ROBO2: variants seen among roughly 807,000 people sequenced by gnomAD.
ROBO2 encodes roundabout homolog 2.
A neutral mutation model predicts 160.8 loss-of-function variants in ROBO2; 53 were observed. The ratio of observed to expected loss-of-function variants is 0.33; its 90% CI spans 0.26 to 0.41. The LOEUF (loss-of-function observed/expected upper bound fraction) is 0.41, where lower values mean the gene tolerates loss of function less well. ROBO2 is among the 10% of genes least tolerant of loss of function. The pLI is 1.00. For missense variants in ROBO2, 1,577 were observed against 1,722.4 expected, an observed-to-expected ratio of 0.92 and a Z score of 1.49; for synonymous variants, 664 against 611.7, an observed-to-expected ratio of 1.09 and a Z score of -1.26.
At chr3:76,157,864 C>T (rs1014108785) in intron 2 of ROBO2, among the ~76,000 whole-genome samples, 5 of 151,958 alleles carry the variant, frequency 3.3e-5, no homozygotes, top group African/African-American at 9.7e-5. Flanking sequence ...AGGCATTTCA[C>T]TGTGTACCAG....
intron 2 of ROBO2, among the ~76,000 whole-genome samples, chr3:76,906,120 A>T (rs2075585688): frequency 6.6e-6 from 1 of 152,156 alleles, no homozygotes; most frequent in Non-Finnish European, 1.5e-5. Context: ...TCCACAGGTG[A>T]TTATAAAAAG....
chr3:77,181,607 C>T (rs2080789237), intron 2 of ROBO2, among the ~76,000 whole-genome samples: 1 of 152,044 alleles, frequency 6.6e-6, no homozygotes, highest in African/African-American at 2.4e-5. Flanking sequence ...TCTAAAGTTT[C>T]TGCAGAAATT....
chr3:77,584,739 C>T (rs2093999737), intron 16 of ROBO2, among the ~76,000 whole-genome samples: 1 of 151,790 alleles, frequency 6.6e-6, no homozygotes, highest in African/African-American at 2.4e-5. Flanking sequence ...GGGAAACCTA[C>T]AATCTTGTCC....
At chr3:76,267,120 T>C (rs1000746348) in intron 2 of ROBO2, among the ~76,000 whole-genome samples, 3 of 152,176 alleles carry the variant, frequency 2.0e-5, no homozygotes, top group African/African-American at 7.2e-5. Context: ...ATTCACAGCA[T>C]AAAACCATTT....
intron 2 of ROBO2, among the ~76,000 whole-genome samples, chr3:76,056,524 C>A (rs1322998991): frequency 6.6e-6 from 1 of 151,546 alleles, no homozygotes; most frequent in Non-Finnish European, 1.5e-5. Context: ...AAAACCCATT[C>A]ACTTTTAAAA....
intron 2 of ROBO2, among the ~76,000 whole-genome samples, chr3:76,657,845 G>A (rs2091637611): frequency 1.4e-5 from 2 of 147,472 alleles, no homozygotes; most frequent in South Asian, 4.2e-4. Flanking sequence ...ATGTGTATAT[G>A]TATGTGTATA....
intron 2 of ROBO2, among the ~76,000 whole-genome samples, chr3:76,766,048 AT>A (rs2061563132): frequency 6.6e-6 from 1 of 151,706 alleles, no homozygotes; most frequent in South Asian, 2.1e-4. Context: ...CATTTTCAAA[AT>A]ACTTTTATCT....
At chr3:76,570,886 C>T (rs1274014392) in intron 2 of ROBO2, among the ~76,000 whole-genome samples, 1 of 152,100 alleles carries the variant, frequency 6.6e-6, no homozygotes, top group Non-Finnish European at 1.5e-5. Context: ...CAGAATTCTA[C>T]CTCTCTCCTG....
At chr3:76,210,088 T>G (rs1332781692) in intron 2 of ROBO2, among the ~76,000 whole-genome samples, 1 of 152,094 alleles carries the variant, frequency 6.6e-6, no homozygotes, top group Non-Finnish European at 1.5e-5. Flanking sequence ...AAATGAAAAC[T>G]GCAGATATTT....
In ROBO2 at chr3:76,276,017, A is replaced by G. The variant is rs565961322; in HGVS notation, c.109+338415A>G. Among the ~76,000 whole-genome samples the G allele has an allele frequency of 1.9e-3, 288 of 152,222 alleles. 3 individuals are homozygous for G. Among genetic ancestry groups the G allele is most frequent in the South Asian group, 7.0e-3 (34 of 4,830 alleles). On this transcript the variant is annotated intron_variant, in intron 2 of 26. Coordinates refer to the ROBO2 transcript ENST00000487694. ...TTTAAATACATAAAGGGATGCTGAT[A>G]TCAGATAATTAACATATAAGTACAT...
intron 2 of ROBO2, among the ~76,000 whole-genome samples, chr3:76,929,439 A>G (rs2077196613): frequency 6.6e-6 from 1 of 152,104 alleles, no homozygotes; most frequent in Non-Finnish European, 1.5e-5. Context: ...CTGTGACACT[A>G]TCTTCAAAGT....
intron 2 of ROBO2, among the ~76,000 whole-genome samples, chr3:76,886,968 A>C (rs2148790030): frequency 6.6e-6 from 1 of 152,316 alleles, no homozygotes; most frequent in South Asian, 2.1e-4. Context: ...CAGAGCAGAA[A>C]CATCATAGAA....
chr3:77,553,714 T>C (rs1336240732), intron 8 of ROBO2, among the ~76,000 whole-genome samples: 2 of 151,916 alleles, frequency 1.3e-5, no homozygotes, highest in Non-Finnish European at 2.9e-5. Context: ...AGCCAAAGCC[T>C]AATCCAGAGC....
intron 2 of ROBO2, among the ~76,000 whole-genome samples, chr3:77,337,499 A>G (rs1281126175): frequency 6.6e-6 from 1 of 151,190 alleles, no homozygotes; most frequent in Non-Finnish European, 1.5e-5. Context: ...CATGTTGAAT[A>G]TGTTACCTGA....
At chr3:76,745,877 C>T (rs867013449) in intron 2 of ROBO2, among the ~76,000 whole-genome samples, 1 of 149,826 alleles carries the variant, frequency 6.7e-6, no homozygotes, top group Non-Finnish European at 1.5e-5. Flanking sequence ...TACATGTGCA[C>T]AATGTGCAGG....
chr3:76,498,979 G>T (rs115613234), intron 2 of ROBO2, among the ~76,000 whole-genome samples: 3,554 of 152,062 alleles, frequency 0.023, 63 homozygotes, highest in South Asian at 0.049. Flanking sequence ...GAGCCACTGC[G>T]CCCAGCAGTT....
At chr3:76,702,547 TAGAC>T (rs1310241339) in intron 2 of ROBO2, among the ~76,000 whole-genome samples, 1 of 87,886 alleles carries the variant, frequency 1.1e-5, no homozygotes, top group Non-Finnish European at 2.1e-5. Flanking sequence ...CAGAGAGAAA[TAGAC>T]AGAGAAAGAG....
At chr3:76,428,364 A>G (rs2076302497) in intron 2 of ROBO2, among the ~76,000 whole-genome samples, 2 of 152,208 alleles carry the variant, frequency 1.3e-5, no homozygotes, top group African/African-American at 4.8e-5. Flanking sequence ...ATTGTGGACA[A>G]ATATTTAGGA....
chr3:77,644,137 C>A (rs2095387542), intron 24 of ROBO2, among the ~76,000 whole-genome samples: 1 of 151,546 alleles, frequency 6.6e-6, no homozygotes, highest in South Asian at 2.1e-4. Context: ...AAAAAATTAG[C>A]ATATTATTTA....
Sources: gnomAD v4.1 joint callset for allele counts (sites outside exome capture counted in the v4.1 genomes callset) on GRCh38, gnomAD v4.1.1 for gene constraint, MANE v1.5 for transcripts, NCBI Gene and HGNC (gene_info 2026-07-23, HGNC 2026-07-21) for gene names.